Variants in CDKL4 observed in about 807,000 individuals in gnomAD.
CDKL4 encodes cyclin dependent kinase like 4.
CDKL4 carries 44 observed loss-of-function variants against 42.0 expected under a neutral mutation model. The observed-to-expected ratio is 1.05, with a 90% CI of 0.82 to 1.35. CDKL4 has a LOEUF of 1.35. CDKL4 is among the 40% of genes most tolerant of loss of function. The probability of loss-of-function intolerance (pLI) is 0.00; values close to 1 mark genes in which losing one functional copy is unlikely to be tolerated. For synonymous variants in CDKL4, 120 were observed against 121.6 expected, an observed-to-expected ratio of 0.99 and a Z score of 0.09; for missense variants, 393 against 369.9, an observed-to-expected ratio of 1.06 and a Z score of -0.51.
intron 8 of CDKL4, among the ~76,000 whole-genome samples, chr2:39,179,805 A>G (rs968269520): frequency 6.6e-5 from 10 of 152,176 alleles, no homozygotes; most frequent in African/African-American, 2.4e-4. Flanking sequence ...TTTGAGAACC[A>G]CTGGGTTAAG....
intron 4 of CDKL4, among the ~76,000 whole-genome samples, chr2:39,208,701 CTT>C (rs761337117): frequency 0.029 from 2,994 of 101,862 alleles, 23 homozygotes; most frequent in Middle Eastern, 0.041. Flanking sequence ...GACGGGCAAT[CTT>C]TTTTTTTTTT....
intron 7 of CDKL4, 59 bp from the exon 8 acceptor site, chr2:39,184,706 A>C: frequency 8.8e-7 from 1 of 1,132,654 alleles, no homozygotes; most frequent in Non-Finnish European, 1.3e-6. Context: ...ATGTGTGTGT[A>C]TATATGTGCG....
chr2:39,198,423 G>A (rs780966747), intron 5 of CDKL4, among the ~76,000 whole-genome samples: 1 of 152,046 alleles, frequency 6.6e-6, no homozygotes. Context: ...GACAACACTA[G>A]ACAGGTCATC....
intron 5 of CDKL4, among the ~76,000 whole-genome samples, chr2:39,199,760 A>C (rs961857933): frequency 1.3e-5 from 2 of 152,218 alleles, no homozygotes; most frequent in Non-Finnish European, 2.9e-5. Flanking sequence ...CAATAGATGC[A>C]GAAAAAGCAC....
intron 5 of CDKL4, among the ~76,000 whole-genome samples, chr2:39,194,028 G>C (rs773958853): frequency 3.0e-4 from 46 of 152,236 alleles, no homozygotes; most frequent in Admixed American, 4.6e-4. Flanking sequence ...TATTATTTTG[G>C]AGGGTAGTAT....
chr2:39,233,982 C>T (rs1384699417), intron 1 of CDKL4, among the ~76,000 whole-genome samples: 2 of 146,848 alleles, frequency 1.4e-5, no homozygotes, highest in East Asian at 2.0e-4. Context: ...GGCACGATCT[C>T]GGCTCACTGC....
At chr2:39,232,146 G>A (rs565157657) in intron 1 of CDKL4, among the ~76,000 whole-genome samples, 1 of 152,110 alleles carries the variant, frequency 6.6e-6, no homozygotes, top group East Asian at 1.9e-4. Flanking sequence ...TGATTCCTCA[G>A]ACTAATATTT....
chr2:39,178,886 G>A, intron 9 of CDKL4: 1 of 1,465,012 alleles, frequency 6.8e-7, no homozygotes, highest in African/African-American at 1.4e-5. Context: ...TTTATTATAT[G>A]AAGTTGTTAT....
At chr2:39,184,103 G>C (rs1675592839) in intron 8 of CDKL4, among the ~76,000 whole-genome samples, 1 of 152,214 alleles carries the variant, frequency 6.6e-6, no homozygotes, top group African/African-American at 2.4e-5. Flanking sequence ...AGGCCATTCT[G>C]ATGAATAGCC....
At chr2:39,205,759 C>CAAAAAAAAAAAAA (rs1167041058) in intron 4 of CDKL4, among the ~76,000 whole-genome samples, 3 of 78,644 alleles carry the variant, frequency 3.8e-5, no homozygotes, top group African/African-American at 4.7e-5. Context: ...GACTCCGTCT[C>CAAAAAAAAAAAAA]AAAAAAAAAA....
exon 6 of CDKL4, chr2:39,190,420 A>C: frequency 6.2e-7 from 1 of 1,614,090 alleles, no homozygotes. Flanking sequence ...CGACTGAAGA[A>C]CCATACTGAG....
the CDKL4 span, among the ~76,000 whole-genome samples, chr2:39,168,191 A>C: frequency 2.6e-5 from 4 of 152,088 alleles, no homozygotes; most frequent in East Asian, 1.9e-4. Flanking sequence ...GATTAGGCTA[A>C]TTATCAATGT....
intron 1 of CDKL4, among the ~76,000 whole-genome samples, chr2:39,234,869 TATAG>T (rs1458678976): frequency 6.6e-6 from 1 of 151,834 alleles, no homozygotes; most frequent in Non-Finnish European, 1.5e-5. Context: ...AGTGCAAAGC[TATAG>T]ATAAACATTT....
chr2:39,194,169 A>G (rs1676368130), intron 5 of CDKL4, among the ~76,000 whole-genome samples: 1 of 152,166 alleles, frequency 6.6e-6, no homozygotes, highest in African/African-American at 2.4e-5. Flanking sequence ...TATTGTTTGA[A>G]AAATCTGGCT....
intron 7 of CDKL4, among the ~76,000 whole-genome samples, chr2:39,185,352 GTATATATACATA>G (rs1339780245): frequency 0.013 from 935 of 74,394 alleles, 249 homozygotes; most frequent in Non-Finnish European, 0.02. Context: ...ATACACATAT[GTATATATACATA>G]TATATATACA....
intron 6 of CDKL4, 143 bp downstream of exon 6, chr2:39,190,162 A>T: frequency 1.7e-6 from 1 of 583,804 alleles, no homozygotes; most frequent in Non-Finnish European, 2.8e-6. Context: ...ACAACCCAGA[A>T]CTGAGAACAA....
chr2:39,168,040 A>G, the CDKL4 span, among the ~76,000 whole-genome samples: 1 of 152,320 alleles, frequency 6.6e-6, no homozygotes, highest in African/African-American at 2.4e-5. Context: ...ATACAAATAT[A>G]AAGTCACCAA....
At chr2:39,228,315 T>C (rs1274905935) in intron 2 of CDKL4, among the ~76,000 whole-genome samples, 1 of 152,162 alleles carries the variant, frequency 6.6e-6, no homozygotes, top group Non-Finnish European at 1.5e-5. Context: ...AACTTTTTTT[T>C]ATCATGATGG....
At chr2:39,243,955 G>A (rs1679795848) in exon 1 of CDKL4, among the ~76,000 whole-genome samples, 1 of 152,222 alleles carries the variant, frequency 6.6e-6, no homozygotes, top group African/African-American at 2.4e-5. Context: ...CTCGGAGGAG[G>A]CGCCGTGTAC....
Sources: allele counts gnomAD v4.1 joint callset (sites outside exome capture counted in the v4.1 genomes callset), GRCh38; gene constraint gnomAD v4.1.1; transcripts MANE v1.5; gene names NCBI Gene and HGNC (gene_info 2026-07-23, HGNC 2026-07-21).